Variants in ACSM3 observed in about 807,000 individuals in gnomAD.
ACSM3 encodes the protein acyl-CoA synthetase medium chain family member 3, also known as acyl-coenzyme A synthetase ACSM3, mitochondrial.
Under a neutral mutation model 74.1 loss-of-function variants are expected in ACSM3, and 61 were observed. The ratio of observed to expected loss-of-function variants is 0.82; its 90% CI spans 0.67 to 1.02. The LOEUF (loss-of-function observed/expected upper bound fraction) is 1.02, where lower values mean the gene tolerates loss of function less well. ACSM3 is among the 50% of genes least tolerant of loss of function. The pLI is 0.00. For synonymous variants in ACSM3, 213 were observed against 241.5 expected (o/e 0.88, Z 1.09); for missense variants, 660 against 697.0 (o/e 0.95, Z 0.60).
At chr16:20,675,972 A>G (rs760684051) in intron 1 of ACSM3, among the ~76,000 whole-genome samples, 1 of 152,218 alleles carries the variant, frequency 6.6e-6, no homozygotes, top group Non-Finnish European at 1.5e-5. Flanking sequence ...TACGGAGACA[A>G]AAGAAAAGTC....
chr16:20,729,353 T>C, intron 1 of ACSM3: 2 of 1,442,562 alleles, frequency 1.4e-6, no homozygotes, highest in Non-Finnish European at 9.8e-7. Flanking sequence ...CATTATTTCC[T>C]CTGGGTTTGT....
chr16:20,726,444 T>G (rs2079806402), intron 1 of ACSM3, among the ~76,000 whole-genome samples: 1 of 152,188 alleles, frequency 6.6e-6, no homozygotes, highest in Non-Finnish European at 1.5e-5. Context: ...AATACAAATC[T>G]TCTCTTTCCC....
intron 12 of ACSM3, among the ~76,000 whole-genome samples, chr16:20,793,635 C>G (rs766552250): frequency 6.6e-6 from 1 of 152,190 alleles, no homozygotes; most frequent in South Asian, 2.1e-4. Context: ...CCAGATATAG[C>G]CCAGTGGCTG....
intron 12 of ACSM3, among the ~76,000 whole-genome samples, chr16:20,795,213 G>T (rs2080696706): frequency 6.6e-6 from 1 of 152,094 alleles, no homozygotes; most frequent in African/African-American, 2.4e-5. Context: ...TAGAGACAAA[G>T]TCTCACTATG....
upstream of ACSM3, among the ~76,000 whole-genome samples, chr16:20,763,484 A>T (rs2080093951): frequency 6.6e-6 from 1 of 152,172 alleles, no homozygotes; most frequent in African/African-American, 2.4e-5. Context: ...CAGAGGAAGG[A>T]GAATGGGCTG....
chr16:20,707,794 C>T (rs2079732053), intron 1 of ACSM3, among the ~76,000 whole-genome samples: 1 of 152,182 alleles, frequency 6.6e-6, no homozygotes, highest in African/African-American at 2.4e-5. Context: ...AGTATTTGCT[C>T]TTTCAAATGA....
chr16:20,737,332 C>T (rs2079879814), intron 1 of ACSM3: 1 of 1,532,712 alleles, frequency 6.5e-7, no homozygotes, highest in Non-Finnish European at 8.7e-7. Context: ...GATACCATTA[C>T]ATCTGATAGA....
chr16:20,796,172 A>G, intron 12 of ACSM3, 198 bp from the exon 13 acceptor site: 1 of 853,920 alleles, frequency 1.2e-6, no homozygotes, highest in Non-Finnish European at 1.7e-6. Flanking sequence ...GGGTTGTTAC[A>G]GGGGTCCCAG....
chr16:20,694,266 G>C (rs375114105), intron 1 of ACSM3, among the ~76,000 whole-genome samples: 1 of 152,198 alleles, frequency 6.6e-6, no homozygotes, highest in Non-Finnish European at 1.5e-5. Flanking sequence ...GGGTGGATGC[G>C]TCAGGTTATA....
chr16:20,777,269 A>C (rs2080266695), intron 3 of ACSM3, 104 bp from the exon 4 acceptor site: 1 of 1,077,606 alleles, frequency 9.3e-7, no homozygotes, highest in Non-Finnish European at 1.3e-6. Context: ...TAAACTGACT[A>C]ACTCACTCTG....
chr16:20,749,194 T>C (rs1377153758), intron 1 of ACSM3: 1 of 152,210 alleles, frequency 6.6e-6, no homozygotes, highest in East Asian at 1.9e-4. Context: ...GTGTGTTATA[T>C]TTTAATCCTA....
chr16:20,680,488 T>C (rs950189571), intron 1 of ACSM3: 1 of 152,236 alleles, frequency 6.6e-6, no homozygotes, highest in Non-Finnish European at 1.5e-5. Context: ...GGGGAACCAG[T>C]GGCCATGGGA....
chr16:20,737,893 C>A, intron 1 of ACSM3: 2 of 1,613,456 alleles, frequency 1.2e-6, no homozygotes, highest in Non-Finnish European at 1.7e-6. Flanking sequence ...CAAAATAACT[C>A]GAGTCTTCTT....
rs1247168952 is a variant in ACSM3, at chr16:20,713,826, A to G, written c.-189-36084A>G. The stretch of plus-strand genomic sequence containing the variant: ...TCCTCATTTCAAACTTTGAAGTGCC[A>G]TAACTCCAAAAAGGGCACAGATTGT... On this transcript the variant is annotated intron_variant, in intron 1 of 3. Coordinates refer to the ACSM3 transcript ENST00000561584. Among the ~76,000 whole-genome samples the G allele has an allele frequency of 2.6e-5, 4 of 152,208 alleles. No individual in the cohort carries two copies. In the East Asian group the frequency reaches 5.8e-4, roughly 22 times the overall value.
chr16:20,676,586 A>G (rs1596926184), intron 1 of ACSM3, among the ~76,000 whole-genome samples: 1 of 152,188 alleles, frequency 6.6e-6, no homozygotes, highest in East Asian at 1.9e-4. Context: ...TACAAGGTGT[A>G]CATTAACTGA....
At chr16:20,728,720 G>T (rs751603987) in intron 1 of ACSM3, among the ~76,000 whole-genome samples, 1 of 151,714 alleles carries the variant, frequency 6.6e-6, no homozygotes, top group Non-Finnish European at 1.5e-5. Context: ...GTAGGATGGG[G>T]GTGCAGTTGG....
intron 1 of ACSM3, among the ~76,000 whole-genome samples, chr16:20,742,814 T>TA (rs1555483507): frequency 0.046 from 2,358 of 51,402 alleles, 22 homozygotes; most frequent in Middle Eastern, 0.1. Context: ...TATATATATA[T>TA]TTTTTTTTTT....
intron 1 of ACSM3, chr16:20,682,214 C>T: frequency 5.0e-6 from 8 of 1,589,168 alleles, no homozygotes; most frequent in Non-Finnish European, 6.9e-6. Flanking sequence ...TATCCCACAA[C>T]AACTGTACTC....
At chr16:20,787,050 G>A (rs2080489855) in intron 9 of ACSM3, among the ~76,000 whole-genome samples, 1 of 152,198 alleles carries the variant, frequency 6.6e-6, no homozygotes, top group Non-Finnish European at 1.5e-5. Flanking sequence ...TGCCTAGGGG[G>A]AATTCCAGTT....
Sources: allele counts gnomAD v4.1 joint callset (sites outside exome capture counted in the v4.1 genomes callset), GRCh38; gene constraint gnomAD v4.1.1; transcripts MANE v1.5; gene names NCBI Gene and HGNC (gene_info 2026-07-23, HGNC 2026-07-21).